The following UBE4A variants were observed in gnomAD, a reference collection of about 807,000 sequenced individuals.
UBE4A encodes ubiquitin conjugation factor E4 A.
Under a neutral mutation model 117.9 loss-of-function variants are expected in UBE4A, and 48 were observed. That is an observed-to-expected ratio of 0.41 (90% CI 0.32 to 0.52). The LOEUF is 0.52. UBE4A is among the 20% of genes least tolerant of loss of function. The pLI, the probability that UBE4A is intolerant of heterozygous loss-of-function variation, is 0.33. For missense variants in UBE4A, 1,067 were observed against 1,296.3 expected (o/e 0.82, Z 2.72); for synonymous variants, 407 against 450.0 (o/e 0.90, Z 1.21).
At chr11:118,371,701 C>G in intron 5 of UBE4A, 35 bp downstream of exon 5, 1 of 1,576,656 alleles carries the variant, frequency 6.3e-7, no homozygotes, top group Non-Finnish European at 8.6e-7. Flanking sequence ...ACTGTATTGT[C>G]CTCTTGGGTA....
Position 118,373,169 on chromosome 11 carries a change from A to G in UBE4A, c.805A>G (p.Met269Val), listed in dbSNP as rs894173059. The part of the protein sequence containing the change: ...DEEVRTFPEV[M>V]IPVFDILLGR... ...GGAAGTTAGAACATTTCCAGAAGTC[A>G]TGATTCCAGTGTTTGATATTTTATT... Residue 269 changes from methionine to valine, a missense_variant, in exon 7 of 20, where the codon ATG (methionine) becomes GTG (valine). Physicochemically the swap from Met to Val is conservative, Grantham distance 21. Transcript: ENST00000252108. 4 of 1,613,976 alleles carry G rather than the reference A, an allele frequency of 2.5e-6. No homozygotes were observed. The highest frequency in any genetic ancestry group is 2.7e-5 in the African/African-American group (2 of 74,926).
intron 19 of UBE4A, among the ~76,000 whole-genome samples, chr11:118,393,456 G>A (rs1257819981): frequency 2.0e-5 from 3 of 151,846 alleles, no homozygotes; most frequent in South Asian, 2.1e-4. Context: ...GCACTAACAC[G>A]CCCAACTAAT....
intron 11 of UBE4A, among the ~76,000 whole-genome samples, chr11:118,380,483 G>A (rs1055095536): frequency 2.6e-5 from 4 of 152,104 alleles, no homozygotes; most frequent in African/African-American, 9.7e-5. Context: ...TCAGGAGGCT[G>A]AAGTGAGAGA....
chr11:118,373,372 A>G (rs1296663552), intron 7 of UBE4A, 84 bp downstream of exon 7: 3 of 1,533,738 alleles, frequency 2.0e-6, no homozygotes, highest in East Asian at 4.5e-5. Flanking sequence ...CTATAATACT[A>G]CCTATAAAAT....
chr11:118,390,818 G>A lies in UBE4A; in HGVS notation c.2916+14G>A, dbSNP rs1235662000. 1.9e-6 allele frequency: 3 copies of A among 1,608,630 alleles called. No individual in the cohort carries two copies. The African/African-American group carries it at 4.0e-5, about 22-fold the overall frequency. ...GAGAGAATCAAGGTGAGGAAGAGGA[G>A]GAATTGTTTGCTGATTTCATTAAGA... On this transcript the variant is annotated intron_variant, in intron 18 of 19. Coordinates refer to ENST00000252108, the MANE Select transcript of UBE4A (RefSeq NM_001204077.2).
chr11:118,359,806 A>T (rs1259045030), intron 1 of UBE4A, 132 bp downstream of exon 1: 1 of 152,498 alleles, frequency 6.6e-6, no homozygotes, highest in African/African-American at 2.4e-5. Flanking sequence ...TTTGCTAACC[A>T]GGGACCTTCT....
intron 9 of UBE4A, among the ~76,000 whole-genome samples, chr11:118,375,824 A>G (rs1439764262): frequency 6.6e-6 from 1 of 152,184 alleles, no homozygotes; most frequent in Non-Finnish European, 1.5e-5. Flanking sequence ...TTTTGAACTC[A>G]GGCTCCAGAA....
Position 118,379,439 on chromosome 11 carries a change from G to T in UBE4A, c.1572-7G>T. The T allele has an allele frequency of 6.2e-7, 1 of 1,609,478 alleles. No individual in the cohort carries two copies. The highest frequency in any genetic ancestry group is 8.5e-7 in the Non-Finnish European group (1 of 1,176,908). On this transcript the variant is annotated splice_polypyrimidine_tract_variant and splice_region_variant and intron_variant, in intron 10 of 19. Coordinates refer to ENST00000252108, the MANE Select transcript of UBE4A (RefSeq NM_001204077.2). The stretch of plus-strand genomic sequence containing the variant: ...TGACCCAGTCTCTTCTGCTTTCTTG[G>T]GGGCAGGTTGCATGATCAGATGGTA...
intron 19 of UBE4A, among the ~76,000 whole-genome samples, chr11:118,395,389 T>C (rs928134364): frequency 1.3e-5 from 2 of 151,976 alleles, no homozygotes; most frequent in African/African-American, 4.8e-5. Context: ...GCATTCACTA[T>C]ATCGCTCGAA....
In UBE4A at chr11:118,398,990, G is replaced by A. The variant is rs1322684066; in HGVS notation, c.*2550G>A. On this transcript the variant is annotated 3_prime_UTR_variant, in exon 20 of 20. Coordinates refer to ENST00000252108, the MANE Select transcript of UBE4A (RefSeq NM_001204077.2). Reference sequence around the variant, plus strand: ...CTACTGGGTGCCTTTACATGCCAGAGGCTGATGCTGCACTGTTGATGTCAT... The same window carrying A: ...CTACTGGGTGCCTTTACATGCCAGAAGCTGATGCTGCACTGTTGATGTCAT... 6.6e-6 allele frequency: 3 copies of A among 453,762 alleles called. No individual in the cohort carries two copies. The highest frequency in any genetic ancestry group is 1.3e-5 in the Non-Finnish European group (3 of 225,390). The allele number at this position is 453,762 out of a possible 1,614,324, so 28.1% of individuals were successfully genotyped here.
intron 13 of UBE4A, among the ~76,000 whole-genome samples, chr11:118,383,270 C>T (rs150971432): frequency 2.6e-5 from 4 of 152,226 alleles, no homozygotes; most frequent in African/African-American, 9.6e-5. Flanking sequence ...GACTATCTAA[C>T]TCTCCAACAG....
intron 4 of UBE4A, 109 bp downstream of exon 4, chr11:118,369,644 CTCTTTT>C: frequency 1.6e-6 from 1 of 618,354 alleles, no homozygotes. Context: ...CCATCCCTCT[CTCTTTT>C]TTTTTTTTTT....
chr11:118,390,101 G>C (rs879960479), intron 17 of UBE4A, among the ~76,000 whole-genome samples, 196 bp downstream of exon 17: 2 of 152,022 alleles, frequency 1.3e-5, no homozygotes, highest in Non-Finnish European at 2.9e-5. Context: ...TGTGGTCCAA[G>C]CTACTTGGGA....
chr11:118,371,376 G>T, intron 4 of UBE4A, 138 bp from the exon 5 acceptor site: 1 of 1,041,604 alleles, frequency 9.6e-7, no homozygotes, highest in Non-Finnish European at 1.3e-6. Context: ...AAATATACAG[G>T]GCCCTTTTTT....
rs1948760067 is a variant in UBE4A, at chr11:118,386,513, C to T, written c.2488C>T (p.Arg830Ter). Residue 830 changes from arginine to a stop codon, truncating the protein, a stop_gained, in exon 16 of 20, where the codon CGA (arginine) becomes TGA (stop). Coordinates refer to ENST00000252108, the MANE Select transcript of UBE4A (RefSeq NM_001204077.2). LOFTEE classifies it high-confidence loss of function. ...GGATAGTCTGACTCCAGAAGCCCGC[C>T]GAGAAAAGGAGGCTGGCCTACAGAT... is the stretch of plus-strand genomic sequence containing the variant. ...EWDSLTPEAR[R>*]EKEAGLQMFG... The T allele has an allele frequency of 3.1e-6, 5 of 1,607,510 alleles. No homozygotes were observed. The highest frequency in any genetic ancestry group is 1.3e-5 in the African/African-American group (1 of 74,204).
At chr11:118,396,226 A>G in intron 19 of UBE4A, 88 bp from the exon 20 acceptor site, 1 of 1,505,376 alleles carries the variant, frequency 6.6e-7, no homozygotes, top group Admixed American at 2.4e-5. Context: ...CTTCATTCTT[A>G]AGATGCGACG....
intron 16 of UBE4A, among the ~76,000 whole-genome samples, chr11:118,387,858 C>G (rs1948773722): frequency 6.6e-6 from 1 of 152,118 alleles, no homozygotes; most frequent in African/African-American, 2.4e-5. Context: ...AGGAGATTCC[C>G]AGGATGACGG....
chr11:118,363,935 A>G lies in UBE4A; in HGVS notation c.-41-1105A>G, dbSNP rs1948542895. Reference sequence around the variant, plus strand: ...ACCTGGCCCACATTAGCTTTTGTTGATATGATCCTGTGAGGAGTCTTGCCT... The same window carrying G: ...ACCTGGCCCACATTAGCTTTTGTTGGTATGATCCTGTGAGGAGTCTTGCCT... On this transcript the variant is annotated intron_variant, in intron 1 of 19. Transcript: ENST00000252108. 2.0e-5 allele frequency among the ~76,000 whole-genome samples: 3 copies of G among 152,126 alleles called. No individual in the cohort carries two copies. In the South Asian group the frequency reaches 6.2e-4, roughly 31 times the overall value.
At chr11:118,390,910 G>A in intron 18 of UBE4A, 106 bp downstream of exon 18, 1 of 1,434,492 alleles carries the variant, frequency 7.0e-7, no homozygotes, top group South Asian at 1.2e-5. Context: ...CCTAAGGCTA[G>A]AGGATCACTT....
Sources: gnomAD v4.1 joint callset for allele counts (sites outside exome capture counted in the v4.1 genomes callset) on GRCh38, gnomAD v4.1.1 for gene constraint, MANE v1.5 for transcripts, NCBI Gene and HGNC (gene_info 2026-07-23, HGNC 2026-07-21) for gene names.